The following AGXT2 variants were observed in gnomAD, a reference collection of about 807,000 sequenced individuals.
The protein encoded by AGXT2 is alanine--glyoxylate aminotransferase 2, mitochondrial.
Under a neutral mutation model 62.5 loss-of-function variants are expected in AGXT2, and 61 were observed. That is an observed-to-expected ratio of 0.98 (90% confidence interval 0.79 to 1.21). The LOEUF is 1.21. AGXT2 is among the 50% of genes most tolerant of loss of function. AGXT2 has a pLI of 0.00. For missense variants in AGXT2, 666 were observed against 641.5 expected, an observed-to-expected ratio of 1.04 and a Z score of -0.41; for synonymous variants, 243 against 218.7, an observed-to-expected ratio of 1.11 and a Z score of -0.98.
At chr5:34,999,291 C>T (rs1766141863) in intron 13 of AGXT2, among the ~76,000 whole-genome samples, 1 of 152,290 alleles carries the variant, frequency 6.6e-6, no homozygotes, top group Non-Finnish European at 1.5e-5. Context: ...ATTCCCACTA[C>T]AGCTTTCCTT....
intron 5 of AGXT2, among the ~76,000 whole-genome samples, chr5:35,034,490 C>G (rs535618813): frequency 6.6e-6 from 1 of 152,180 alleles, no homozygotes; most frequent in Non-Finnish European, 1.5e-5. Flanking sequence ...TATAACCAGA[C>G]AGCTTAAAAA....
intron 7 of AGXT2, among the ~76,000 whole-genome samples, chr5:35,028,026 G>A (rs1561226366): frequency 6.6e-6 from 1 of 151,740 alleles, no homozygotes; most frequent in Non-Finnish European, 1.5e-5. Context: ...TGTGGCAGGG[G>A]AGGGTTTCCT....
intron 7 of AGXT2, among the ~76,000 whole-genome samples, chr5:35,029,811 G>A (rs1767493605): frequency 6.6e-6 from 1 of 152,210 alleles, no homozygotes; most frequent in African/African-American, 2.4e-5. Context: ...TCAGGGCCTG[G>A]AATGAACCCC....
chr5:34,998,507 G>A lies in AGXT2; in HGVS notation c.*212C>T, dbSNP rs1766111014. ...TAATTAGGATTTATTCTCTGAGCTAGGGAGATCCTTTCCCTGAAGAATGGA... is the reference window on the plus strand; with the variant it reads ...TAATTAGGATTTATTCTCTGAGCTAAGGAGATCCTTTCCCTGAAGAATGGA... On this transcript the variant is annotated 3_prime_UTR_variant, in exon 14 of 14. Transcript: ENST00000231420. 1 of 608,964 alleles carries A rather than the reference G, an allele frequency of 1.6e-6. No individual in the cohort carries two copies. The highest frequency in any genetic ancestry group is 2.9e-5 in the Admixed American group (1 of 34,410). The allele number at this position is 608,964 out of a possible 1,614,324, so 37.7% of individuals were successfully genotyped here.
intron 4 of AGXT2, among the ~76,000 whole-genome samples, chr5:35,036,580 A>G (rs1171600524): frequency 2.6e-5 from 4 of 152,246 alleles, no homozygotes; most frequent in African/African-American, 7.2e-5. Flanking sequence ...GCGATGAGAT[A>G]AAAACCTCTT....
rs576153139 is a variant in AGXT2, at chr5:35,040,425, A to G, written c.177+150T>C. On this transcript the variant is annotated intron_variant, in intron 2 of 13. Transcript: ENST00000231420. ...CATTAAGGGATTAAGAGGGTTTCAGATGCTTCCAATGACTTAGAGGTACAA... is the reference window on the plus strand; with the variant it reads ...CATTAAGGGATTAAGAGGGTTTCAGGTGCTTCCAATGACTTAGAGGTACAA... 2.4e-4 allele frequency: 177 copies of G among 747,762 alleles called. No individual in the cohort carries two copies. The African/African-American group carries it at 2.6e-3, about 11-fold the overall frequency. The allele number at this position is 747,762 out of a possible 1,614,324, so 46.3% of individuals were successfully genotyped here.
intron 9 of AGXT2, among the ~76,000 whole-genome samples, chr5:35,017,619 C>T (rs1299505448): frequency 1.3e-5 from 2 of 152,174 alleles, no homozygotes; most frequent in Non-Finnish European, 1.5e-5. Context: ...GAACTCTGTC[C>T]TTTAAACCTC....
At chr5:35,002,956 T>A (rs772698855) in intron 13 of AGXT2, among the ~76,000 whole-genome samples, 1 of 152,114 alleles carries the variant, frequency 6.6e-6, no homozygotes, top group Non-Finnish European at 1.5e-5. Context: ...GGATGAGGAA[T>A]GTTTAAAATG....
At chr5:35,010,292 C>T in intron 11 of AGXT2, 143 bp from the exon 12 acceptor site, 3 of 1,087,266 alleles carry the variant, frequency 2.8e-6, no homozygotes, top group South Asian at 2.6e-5. Context: ...ACAAGGACTA[C>T]AAAAAGATCT....
At chr5:35,026,978 A>G (rs1266738314) in intron 7 of AGXT2, 1 of 985,318 alleles carries the variant, frequency 1.0e-6, no homozygotes, top group Non-Finnish European at 1.2e-6. Flanking sequence ...CTTTAGAGTT[A>G]GTAAATATGC....
chr5:35,003,540 A>C (rs1033864574), intron 13 of AGXT2, among the ~76,000 whole-genome samples: 5 of 150,718 alleles, frequency 3.3e-5, no homozygotes, highest in African/African-American at 1.2e-4. Flanking sequence ...ATTTTCACTC[A>C]GCGCCCCCTA....
chr5:35,029,822 T>C (rs1004178345), intron 7 of AGXT2, among the ~76,000 whole-genome samples: 3 of 152,080 alleles, frequency 2.0e-5, no homozygotes, highest in African/African-American at 7.2e-5. Context: ...AATGAACCCC[T>C]GGGGAAAAAA....
At chr5:35,025,057 A>G (rs1219573454) in intron 9 of AGXT2, among the ~76,000 whole-genome samples, 1 of 151,962 alleles carries the variant, frequency 6.6e-6, no homozygotes, top group Non-Finnish European at 1.5e-5. Flanking sequence ...GGTAAATACT[A>G]TTTTTGCAAA....
chr5:34,998,936 T>C (rs915738704), intron 13 of AGXT2, 110 bp from the exon 14 acceptor site: 26 of 840,408 alleles, frequency 3.1e-5, no homozygotes, highest in Non-Finnish European at 4.7e-5. Flanking sequence ...ATGTTTCTCA[T>C]GTTTCTCTCA....
chr5:35,011,403 T>C (rs1481313312), intron 11 of AGXT2, among the ~76,000 whole-genome samples: 1 of 146,442 alleles, frequency 6.8e-6, no homozygotes, highest in Non-Finnish European at 1.5e-5. Flanking sequence ...GAGGTTGCAG[T>C]GAGCCAAAGT....
intron 2 of AGXT2, 119 bp downstream of exon 2, chr5:35,040,456 G>A (rs1315519165): frequency 3.3e-6 from 3 of 900,458 alleles, no homozygotes; most frequent in Admixed American, 1.8e-5. Flanking sequence ...TACAATATCT[G>A]GAATGAGGTA....
intron 4 of AGXT2, 86 bp from the exon 5 acceptor site, chr5:35,035,402 C>T (rs904220612): frequency 9.9e-6 from 11 of 1,111,524 alleles, no homozygotes; most frequent in African/African-American, 7.7e-5. Context: ...AGGTGTCCAG[C>T]CCCTGAGTAT....
intron 9 of AGXT2, among the ~76,000 whole-genome samples, chr5:35,015,175 A>T (rs1412907827): frequency 6.6e-6 from 1 of 152,078 alleles, no homozygotes; most frequent in Non-Finnish European, 1.5e-5. Context: ...CTCCCTCTCA[A>T]GGTACTCTGG....
At chr5:35,041,202 G>A (rs1248584355) in intron 1 of AGXT2, among the ~76,000 whole-genome samples, 1 of 51,340 alleles carries the variant, frequency 1.9e-5, no homozygotes, top group African/African-American at 8.0e-5. Context: ...AATAGACCCA[G>A]AAGACAAAAC....
Sources: gnomAD v4.1 joint callset for allele counts (sites outside exome capture counted in the v4.1 genomes callset) on GRCh38, gnomAD v4.1.1 for gene constraint, MANE v1.5 for transcripts, NCBI Gene and HGNC (gene_info 2026-07-23, HGNC 2026-07-21) for gene names.